FRMPD1: variants seen among roughly 807,000 people sequenced by gnomAD.
FRMPD1 encodes the protein FERM and PDZ domain containing 1.
A neutral mutation model predicts 117.8 loss-of-function variants in FRMPD1; 76 were observed. That is an observed-to-expected ratio of 0.65 (90% CI 0.54 to 0.78). The LOEUF (loss-of-function observed/expected upper bound fraction) is 0.78. Among genes scored for constraint, FRMPD1 ranks in the 30% least tolerant of loss-of-function variants. The pLI is 0.00. For synonymous variants in FRMPD1, 783 were observed against 770.4 expected (o/e 1.02, Z -0.27); for missense variants, 1,786 against 1,964.5 (o/e 0.91, Z 1.72).
chr9:37,627,565 T>G, the FRMPD1 span, among the ~76,000 whole-genome samples: 139 of 152,350 alleles, frequency 9.1e-4, 1 homozygote, highest in African/African-American at 3.3e-3. Context: ...CTCCAACTAC[T>G]GGGCTCAAGG....
chr9:37,621,798 CAGCAG>C, the FRMPD1 span, among the ~76,000 whole-genome samples: 2 of 152,110 alleles, frequency 1.3e-5, no homozygotes, highest in Non-Finnish European at 2.9e-5. Flanking sequence ...GAATAGGCCC[CAGCAG>C]ATGAGACAGC....
chr9:37,639,672 A>G, the FRMPD1 span, among the ~76,000 whole-genome samples: 5 of 152,274 alleles, frequency 3.3e-5, no homozygotes, highest in South Asian at 1.0e-3. Flanking sequence ...CATGGGCTGG[A>G]TGACTCCAGT....
At chr9:37,615,101 T>TTTTC in the FRMPD1 span, among the ~76,000 whole-genome samples, 1 of 152,058 alleles carries the variant, frequency 6.6e-6, no homozygotes, top group Non-Finnish European at 1.5e-5. Flanking sequence ...TTTTCTAGTC[T>TTTTC]TTTCTTTCTT....
rs34040451 is a variant in FRMPD1, at chr9:37,678,251, CTTTTTTT to C, written c.-4-14365_-4-14359del. ...CTCTTTTCCCCTCTAGTACTTACCACTTTTTTTTTTTTTTTTTTTTTTTTTTTTAGAT... is the reference window on the plus strand; with the variant it reads ...CTCTTTTCCCCTCTAGTACTTACCACTTTTTTTTTTTTTTTTTTTTTAGAT... On this transcript the variant is annotated intron_variant, in intron 1 of 15. Coordinates refer to ENST00000377765, the MANE Select transcript of FRMPD1 (RefSeq NM_014907.3). Among the ~76,000 whole-genome samples the C allele has an allele frequency of 5.3e-3, 423 of 79,820 alleles. 3 individuals are homozygous for C. Among genetic ancestry groups the C allele is most frequent in the Middle Eastern group, 9.3e-3 (1 of 108 alleles). 52.4% of individuals were successfully genotyped at this position (79,820 alleles called of 152,430 possible).
At chr9:37,608,771 G>C in the FRMPD1 span, among the ~76,000 whole-genome samples, 30 of 152,274 alleles carry the variant, frequency 2.0e-4, no homozygotes, top group East Asian at 4.8e-3. Flanking sequence ...ATTTCAATAA[G>C]AATAATAGCT....
intron 1 of FRMPD1, among the ~76,000 whole-genome samples, chr9:37,685,501 AT>A (rs1475970809): frequency 1.1e-3 from 166 of 151,674 alleles, no homozygotes; most frequent in Admixed American, 1.7e-3. Context: ...AAAAAAAAAA[AT>A]TTAGCCGGGC....
intron 1 of FRMPD1, among the ~76,000 whole-genome samples, chr9:37,688,210 A>G (rs1050236330): frequency 6.7e-6 from 1 of 150,258 alleles, no homozygotes; most frequent in Non-Finnish European, 1.5e-5. Flanking sequence ...TACATTTCCT[A>G]TTTACAAATA....
chr9:37,605,682 TTTTA>T, the FRMPD1 span, among the ~76,000 whole-genome samples: 33,048 of 143,546 alleles, frequency 0.23, 4,189 homozygotes, highest in Admixed American at 0.32. Context: ...TCTGGTAGAA[TTTTA>T]TTTATTTATT....
chr9:37,707,891 G>A (rs549338419), intron 3 of FRMPD1, among the ~76,000 whole-genome samples: 7 of 152,326 alleles, frequency 4.6e-5, no homozygotes, highest in African/African-American at 1.2e-4. Context: ...AACCCCACAC[G>A]CTCCTAGCTG....
At chr9:37,628,174 C>G in the FRMPD1 span, among the ~76,000 whole-genome samples, 1 of 152,190 alleles carries the variant, frequency 6.6e-6, no homozygotes, top group Non-Finnish European at 1.5e-5. Flanking sequence ...TTGGGTATGT[C>G]TTTTCACCTA....
the FRMPD1 span, among the ~76,000 whole-genome samples, chr9:37,632,738 C>T: frequency 3.3e-5 from 5 of 152,058 alleles, no homozygotes; most frequent in Non-Finnish European, 5.9e-5. Flanking sequence ...CTGCAGTACT[C>T]TAATTAGCCA....
intron 1 of FRMPD1, among the ~76,000 whole-genome samples, chr9:37,673,810 G>T (rs1821435400): frequency 6.6e-6 from 1 of 152,246 alleles, no homozygotes; most frequent in Non-Finnish European, 1.5e-5. Flanking sequence ...CTGTACATTG[G>T]CCCCTTTCAG....
the FRMPD1 span, among the ~76,000 whole-genome samples, chr9:37,609,357 C>T: frequency 5.3e-5 from 8 of 152,190 alleles, no homozygotes; most frequent in East Asian, 1.9e-4. Context: ...ATTCCCTTCT[C>T]GTTCCTCTGC....
intron 1 of FRMPD1, among the ~76,000 whole-genome samples, chr9:37,657,411 T>C (rs1318328044): frequency 6.6e-6 from 1 of 152,258 alleles, no homozygotes; most frequent in Non-Finnish European, 1.5e-5. Flanking sequence ...CATTTATTCG[T>C]TCTTATAAAA....
chr9:37,681,212 CAA>C (rs72098221), intron 1 of FRMPD1, among the ~76,000 whole-genome samples: 12 of 85,634 alleles, frequency 1.4e-4, no homozygotes, highest in Non-Finnish European at 1.5e-4. Context: ...GACTCTGTCT[CAA>C]AAAAAAAAAA....
At chr9:37,699,644 T>G (rs1822463529) in intron 2 of FRMPD1, among the ~76,000 whole-genome samples, 1 of 152,210 alleles carries the variant, frequency 6.6e-6, no homozygotes, top group Non-Finnish European at 1.5e-5. Context: ...TCTCTTATGC[T>G]TAATCTAGAA....
At chr9:37,627,398 T>G in the FRMPD1 span, among the ~76,000 whole-genome samples, 1 of 152,268 alleles carries the variant, frequency 6.6e-6, no homozygotes, top group Non-Finnish European at 1.5e-5. Context: ...CCTGCATCAC[T>G]GTGCAAGTGA....
rs1168298892 is a variant in FRMPD1 at position 37,707,402 on chromosome 9, T to G, written c.102-14T>G. ...TCTTCTCTTTCTCTTTTTTACATAC[T>G]CCTTCTCTTCCAGGGCTAAAGTTGC... is the stretch of plus-strand genomic sequence containing the variant. On this transcript the variant is annotated splice_polypyrimidine_tract_variant and intron_variant, in intron 2 of 15. Transcript: ENST00000377765. The G allele has an allele frequency of 6.2e-7, 1 of 1,611,892 alleles. No homozygotes were observed. The highest frequency in any genetic ancestry group is 2.2e-5 in the East Asian group (1 of 44,868).
intron 7 of FRMPD1, among the ~76,000 whole-genome samples, chr9:37,728,962 CAAA>C (rs34287255): frequency 1.8e-3 from 200 of 109,608 alleles, no homozygotes; most frequent in African/African-American, 6.5e-3. Flanking sequence ...GATTCCGTCT[CAAA>C]AAAAAAAAAA....
Sources: allele counts gnomAD v4.1 joint callset (sites outside exome capture counted in the v4.1 genomes callset), GRCh38; gene constraint gnomAD v4.1.1; transcripts MANE v1.5; gene names NCBI Gene and HGNC (gene_info 2026-07-23, HGNC 2026-07-21).